TMPRSS11F: variants seen among roughly 807,000 people sequenced by gnomAD.
TMPRSS11F encodes transmembrane serine protease 11F.
Under a neutral mutation model 60.2 loss-of-function variants are expected in TMPRSS11F, and 47 were observed. The observed-to-expected ratio is 0.78, with a 90% CI of 0.62 to 1.00. The LOEUF is 1.00. Ranked by LOEUF, TMPRSS11F falls within the 50% of genes least tolerant of loss-of-function variation. The pLI is 0.00. For missense variants in TMPRSS11F, 519 were observed against 522.9 expected (o/e 0.99, Z 0.07); for synonymous variants, 166 against 167.3 (o/e 0.99, Z 0.06).
chr4:68,123,779 A>G (rs1724665160), intron 1 of TMPRSS11F, among the ~76,000 whole-genome samples: 1 of 152,198 alleles, frequency 6.6e-6, no homozygotes, highest in South Asian at 2.1e-4. Context: ...CGTGGTTTCA[A>G]GGTGGTGTCT....
intron 3 of TMPRSS11F, among the ~76,000 whole-genome samples, chr4:68,088,670 T>G (rs1021153266): frequency 9.2e-5 from 14 of 151,978 alleles, no homozygotes; most frequent in Admixed American, 2.6e-4. Flanking sequence ...AAATGTAAAA[T>G]AACAGAAATT....
intron 1 of TMPRSS11F, among the ~76,000 whole-genome samples, chr4:68,111,893 A>AT (rs1196435302): frequency 6.6e-6 from 1 of 152,208 alleles, no homozygotes; most frequent in Non-Finnish European, 1.5e-5. Context: ...TGTACTCTAT[A>AT]AATCTTCCTT....
chr4:68,128,812 T>A (rs563344830), intron 1 of TMPRSS11F, among the ~76,000 whole-genome samples: 37 of 152,248 alleles, frequency 2.4e-4, no homozygotes, highest in Admixed American at 1.2e-3. Context: ...TATCATGCTA[T>A]CATGATGGGT....
In TMPRSS11F at chr4:68,064,838, C is replaced by T. The variant is rs992944654; in HGVS notation, c.862G>A (p.Glu288Lys). 6.2e-7 allele frequency: 1 copy of T among 1,613,972 alleles called. No individual in the cohort carries two copies. The highest frequency in any genetic ancestry group is 1.7e-5 in the Admixed American group (1 of 59,992). ...KIILHENYHRETNENDIALVQ... is the reference protein window; with the variant it reads ...KIILHENYHRKTNENDIALVQ... ...AAAGCAATGTCATTTTCATTTGTTT[C>T]TCTATGGTAATTCTCATGAAGAATA... Residue 288 changes from glutamate to lysine, a missense_variant, in exon 8 of 10, where the codon GAA (glutamate) becomes AAA (lysine). Physicochemically the swap from Glu to Lys is moderately conservative, Grantham distance 56. Coordinates refer to ENST00000356291, the MANE Select transcript of TMPRSS11F (RefSeq NM_207407.2).
At chr4:68,126,799 A>G (rs1560414784) in intron 1 of TMPRSS11F, among the ~76,000 whole-genome samples, 1 of 152,372 alleles carries the variant, frequency 6.6e-6, no homozygotes, top group East Asian at 1.9e-4. Context: ...ATATGTTTGA[A>G]GAGAGGACGG....
intron 5 of TMPRSS11F, among the ~76,000 whole-genome samples, chr4:68,070,370 T>C (rs529986650): frequency 3.3e-5 from 5 of 152,316 alleles, no homozygotes; most frequent in South Asian, 2.1e-4. Flanking sequence ...CCCATCACAG[T>C]TGGTGTTTAC....
chr4:68,065,065 T>C, intron 7 of TMPRSS11F, 121 bp from the exon 8 acceptor site: 3 of 1,007,682 alleles, frequency 3.0e-6, no homozygotes, highest in Non-Finnish European at 4.2e-6. Flanking sequence ...GGTGAGAAAG[T>C]TTGTAGTTGA....
intron 7 of TMPRSS11F, 46 bp downstream of exon 7, chr4:68,068,572 A>C: frequency 6.6e-7 from 1 of 1,522,882 alleles, no homozygotes; most frequent in Admixed American, 1.7e-5. Context: ...TCAGTGGCAG[A>C]TGAGGACTGT....
At chr4:68,076,030 C>T (rs1339823570) in intron 3 of TMPRSS11F, among the ~76,000 whole-genome samples, 3 of 151,648 alleles carry the variant, frequency 2.0e-5, no homozygotes, top group African/African-American at 7.3e-5. Flanking sequence ...AGAACACTTA[C>T]AGCAGGAAAA....
Position 68,099,017 on chromosome 4 carries a change from AG to A in TMPRSS11F, c.32del (p.Ala11ValfsTer20). 3.1e-6 allele frequency: 5 copies of A among 1,612,996 alleles called. No individual in the cohort carries two copies. The highest frequency in any genetic ancestry group is 4.2e-6 in the Non-Finnish European group (5 of 1,179,476). MMYAPVEFSE[A>X]EFSRAEYQRK... ...TTTGATATTCAGCTCGTGAGAATTC[AG>A]CTTCTGAAAATTCAACAGGTCTGTG... On this transcript the variant is annotated frameshift_variant, in exon 2 of 10. Transcript: ENST00000356291. LOFTEE classifies it high-confidence loss of function.
intron 2 of TMPRSS11F, among the ~76,000 whole-genome samples, chr4:68,094,405 G>C (rs1325466283): frequency 4.5e-5 from 5 of 111,854 alleles, no homozygotes; most frequent in South Asian, 3.9e-4. Flanking sequence ...GTTGTGGGGT[G>C]GGGGGAGGGG....
intron 3 of TMPRSS11F, among the ~76,000 whole-genome samples, chr4:68,081,960 T>C (rs1723703442): frequency 6.6e-6 from 1 of 151,550 alleles, no homozygotes. Flanking sequence ...GTTGGGGGAG[T>C]GGCAAGACGG....
intron 3 of TMPRSS11F, among the ~76,000 whole-genome samples, chr4:68,082,921 C>G (rs1723735832): frequency 6.6e-6 from 1 of 152,206 alleles, no homozygotes; most frequent in South Asian, 2.1e-4. Context: ...ACCTAACAGC[C>G]CAGTGATCTG....
At chr4:68,124,305 T>C (rs1724676138) in intron 1 of TMPRSS11F, among the ~76,000 whole-genome samples, 1 of 152,030 alleles carries the variant, frequency 6.6e-6, no homozygotes, top group Non-Finnish European at 1.5e-5. Flanking sequence ...CCCAGCACTT[T>C]TGAGCTCAGG....
In TMPRSS11F at chr4:68,100,725, A is replaced by G. The variant is rs192911759; in HGVS notation, c.12-1687T>C. ...TCTGGGTCTGAACCAAATGAAAAGT[A>G]TCTGTTTTACGGCCTTTCTCTTTGA... On this transcript the variant is annotated intron_variant, in intron 1 of 9. Coordinates refer to ENST00000356291, the MANE Select transcript of TMPRSS11F (RefSeq NM_207407.2). 4.0e-4 allele frequency among the ~76,000 whole-genome samples: 61 copies of G among 152,258 alleles called. No homozygotes were observed. In the East Asian group the frequency reaches 0.011, roughly 27 times the overall value.
At chr4:68,061,982 G>C (rs1389619043) in intron 8 of TMPRSS11F, 3 of 452,894 alleles carry the variant, frequency 6.6e-6, no homozygotes, top group Non-Finnish European at 1.3e-5. Flanking sequence ...GAGAGGAACT[G>C]AGGCACAATG....
chr4:68,054,486 TACTC>T (rs996431753), intron 9 of TMPRSS11F, among the ~76,000 whole-genome samples: 7 of 152,200 alleles, frequency 4.6e-5, no homozygotes, highest in East Asian at 3.8e-4. Context: ...CCTTTTCTGT[TACTC>T]ACCTATTTCT....
At position 68,060,282 on chromosome 4, in the gene TMPRSS11F, C is replaced by T. The variant is rs376882652; in HGVS notation, c.1016-814G>A. ...CAGTACTTTGGGAAGCGGAGGCGGG[C>T]GGATCATGAGGTCAGGAGATCGAGA... On this transcript the variant is annotated intron_variant, in intron 8 of 9. Transcript: ENST00000356291. Among the ~76,000 whole-genome samples the T allele has an allele frequency of 9.1e-4, 137 of 149,894 alleles. 1 individual carries two copies. Among genetic ancestry groups the T allele is most frequent in the African/African-American group, 3.2e-3 (130 of 40,644 alleles).
intron 9 of TMPRSS11F, 95 bp downstream of exon 9, chr4:68,059,231 C>G (rs996051865): frequency 7.7e-7 from 1 of 1,292,462 alleles, no homozygotes; most frequent in Admixed American, 2.2e-5. Context: ...GTAAGAGATG[C>G]CATTTTTTTT....
Sources: allele counts gnomAD v4.1 joint callset (sites outside exome capture counted in the v4.1 genomes callset), GRCh38; gene constraint gnomAD v4.1.1; transcripts MANE v1.5; gene names NCBI Gene and HGNC (gene_info 2026-07-23, HGNC 2026-07-21).